The following DSCAM variants were observed in gnomAD, a reference collection of about 807,000 sequenced individuals.
DSCAM encodes the protein cell adhesion molecule DSCAM.
In DSCAM, 47 loss-of-function variants were observed where a neutral mutation model predicts 217.7. The ratio of observed to expected loss-of-function variants is 0.22; its 90% CI spans 0.17 to 0.28. The LOEUF (loss-of-function observed/expected upper bound fraction) is 0.28. Among genes scored for constraint, DSCAM ranks in the 10% least tolerant of loss-of-function variants. DSCAM has a pLI of 1.00. For synonymous variants in DSCAM, 1,056 were observed against 1,015.3 expected, an observed-to-expected ratio of 1.04 and a Z score of -0.76; for missense variants, 2,080 against 2,618.3, an observed-to-expected ratio of 0.79 and a Z score of 4.49.
chr21:40,378,585 T>C (rs2074988539), intron 3 of DSCAM, among the ~76,000 whole-genome samples: 5 of 17,926 alleles, frequency 2.8e-4, no homozygotes, highest in Non-Finnish European at 3.5e-4. Context: ...TTTTTTTTTT[T>C]TTTTTTTTTT....
rs376690205 is a variant in DSCAM, at chr21:40,115,328, G to A, written c.3696+8867C>T. Among the ~76,000 whole-genome samples the A allele has an allele frequency of 7.8e-4, 118 of 152,134 alleles. No individual in the cohort carries two copies. In the Middle Eastern group the frequency reaches 0.014, roughly 18 times the overall value. On this transcript the variant is annotated intron_variant, in intron 20 of 32. Transcript: ENST00000400454. ...CTATCGCAAGGAGAAAAAACCAAAC[G>A]CCGCAAGTTCTCACTCATAGGTGGG...
intron 3 of DSCAM, among the ~76,000 whole-genome samples, chr21:40,677,795 A>G (rs567461673): frequency 6.6e-6 from 1 of 152,194 alleles, no homozygotes; most frequent in East Asian, 1.9e-4. Context: ...GCCATGTGAG[A>G]AAATGAGAAG....
intron 29 of DSCAM, among the ~76,000 whole-genome samples, 181 bp from the exon 30 acceptor site, chr21:40,052,288 A>C (rs1205741934): frequency 6.6e-6 from 1 of 152,232 alleles, no homozygotes; most frequent in African/African-American, 2.4e-5. Flanking sequence ...CTAGAGTGCT[A>C]GGAATAGAAG....
intron 1 of DSCAM, among the ~76,000 whole-genome samples, chr21:40,840,275 A>G (rs552573945): frequency 6.6e-6 from 1 of 152,362 alleles, no homozygotes; most frequent in Non-Finnish European, 1.5e-5. Context: ...AGAAAACAGT[A>G]GTATGACTTT....
intron 3 of DSCAM, among the ~76,000 whole-genome samples, chr21:40,426,487 T>C (rs78005314): frequency 0.048 from 7,263 of 152,294 alleles, 396 homozygotes; most frequent in Admixed American, 0.17. Flanking sequence ...CTTTCAGAAA[T>C]AGGAAATTTG....
chr21:40,185,457 C>T (rs763440668), intron 14 of DSCAM, among the ~76,000 whole-genome samples: 7 of 152,186 alleles, frequency 4.6e-5, no homozygotes, highest in South Asian at 2.1e-4. Flanking sequence ...CACCAGCATC[C>T]GGCAATGCCC....
At chr21:40,232,377 G>T (rs1035921824) in intron 11 of DSCAM, among the ~76,000 whole-genome samples, 1 of 152,178 alleles carries the variant, frequency 6.6e-6, no homozygotes, top group Non-Finnish European at 1.5e-5. Flanking sequence ...GGAGCATGGG[G>T]TATGATAGAC....
chr21:40,037,212 G>C lies in DSCAM; in HGVS notation c.5686+5159C>G, dbSNP rs1400880792. 2.0e-5 allele frequency among the ~76,000 whole-genome samples: 3 copies of C among 149,356 alleles called. 1 individual carries two copies. The highest frequency in any genetic ancestry group is 7.7e-5 in the African/African-American group (3 of 39,122). On this transcript the variant is annotated intron_variant, in intron 32 of 32. Transcript: ENST00000400454. ...AATAAAGGGTATTCAAGTAGGAAAAGAGGAAGTCAAATTGTCCCTGTTTGC... is the reference window on the plus strand; with the variant it reads ...AATAAAGGGTATTCAAGTAGGAAAACAGGAAGTCAAATTGTCCCTGTTTGC...
At chr21:40,214,798 A>T (rs1415370281) in intron 11 of DSCAM, among the ~76,000 whole-genome samples, 1 of 151,906 alleles carries the variant, frequency 6.6e-6, no homozygotes, top group Admixed American at 6.5e-5. Flanking sequence ...CTATATAATG[A>T]TAAAATGACC....
At chr21:40,824,616 C>G (rs150625460) in intron 1 of DSCAM, among the ~76,000 whole-genome samples, 3 of 151,940 alleles carry the variant, frequency 2.0e-5, no homozygotes, top group African/African-American at 7.3e-5. Flanking sequence ...GGTCTCACCA[C>G]GTTTTCCAGG....
chr21:40,550,398 G>A (rs367636282), intron 3 of DSCAM, among the ~76,000 whole-genome samples: 51 of 152,194 alleles, frequency 3.4e-4, no homozygotes, highest in African/African-American at 1.0e-3. Flanking sequence ...GGTGGCACGC[G>A]CCTGTAATCC....
chr21:40,071,379 C>T lies in DSCAM; in HGVS notation c.4888+3658G>A, dbSNP rs369436563. Among the ~76,000 whole-genome samples, 31 of 152,266 alleles carry T rather than the reference C, an allele frequency of 2.0e-4. No individual in the cohort carries two copies. In the South Asian group the frequency reaches 6.2e-3, roughly 31 times the overall value. On this transcript the variant is annotated intron_variant, in intron 27 of 32. Coordinates refer to ENST00000400454, the MANE Select transcript of DSCAM (RefSeq NM_001389.5). ...CTCAGGAAGAGAGAATATAGGTTGACGACACTGCTAGAGTCCCATTTTCTT... is the reference window on the plus strand; with the variant it reads ...CTCAGGAAGAGAGAATATAGGTTGATGACACTGCTAGAGTCCCATTTTCTT...
chr21:40,257,512 T>C (rs1188431918), intron 11 of DSCAM, among the ~76,000 whole-genome samples: 2 of 99,006 alleles, frequency 2.0e-5, no homozygotes, highest in Non-Finnish European at 4.5e-5. Context: ...GCAAACGCAC[T>C]CCCTGGCACT....
intron 27 of DSCAM, among the ~76,000 whole-genome samples, chr21:40,074,467 A>G (rs1238992310): frequency 1.3e-5 from 2 of 152,198 alleles, no homozygotes; most frequent in Non-Finnish European, 2.9e-5. Flanking sequence ...GGGGCTGGAC[A>G]TTATAATCAT....
chr21:40,142,793 A>G (rs1166117770), intron 17 of DSCAM, 89 bp from the exon 18 acceptor site: 7 of 1,451,472 alleles, frequency 4.8e-6, no homozygotes, highest in East Asian at 2.3e-5. Context: ...TAATATTTCA[A>G]TATGCAAGCA....
intron 4 of DSCAM, 65 bp from the exon 5 acceptor site, chr21:40,353,808 A>G: frequency 7.3e-7 from 1 of 1,373,026 alleles, no homozygotes; most frequent in Non-Finnish European, 9.5e-7. Flanking sequence ...TTAGAATTGT[A>G]GGACTTCATG....
At position 40,113,667 on chromosome 21, in the gene DSCAM, C is replaced by T. The variant is rs1351896788; in HGVS notation, c.3696+10528G>A. The stretch of plus-strand genomic sequence containing the variant: ...TGATTGTATATCTAGAAAACCCCAT[C>T]GTCTCAGCCCAAAATCTCCTTAAGC... On this transcript the variant is annotated intron_variant, in intron 20 of 32. Transcript: ENST00000400454. 4.2e-3 allele frequency among the ~76,000 whole-genome samples: 633 copies of T among 150,746 alleles called. 4 individuals carry two copies. Among genetic ancestry groups the T allele is most frequent in the South Asian group, 4.6e-3 (22 of 4,746 alleles).
chr21:40,108,180 A>G (rs576118888), intron 20 of DSCAM, among the ~76,000 whole-genome samples: 1 of 152,318 alleles, frequency 6.6e-6, no homozygotes, highest in South Asian at 2.1e-4. Flanking sequence ...GGCAAGAGAA[A>G]GAAATAAAAG....
intron 20 of DSCAM, among the ~76,000 whole-genome samples, chr21:40,116,202 C>T (rs2089968532): frequency 6.6e-6 from 1 of 152,110 alleles, no homozygotes; most frequent in African/African-American, 2.4e-5. Context: ...TCAGGAAAAA[C>T]TACTAATGGG....
Sources: allele counts gnomAD v4.1 joint callset (sites outside exome capture counted in the v4.1 genomes callset), GRCh38; gene constraint gnomAD v4.1.1; transcripts MANE v1.5; gene names NCBI Gene and HGNC (gene_info 2026-07-23, HGNC 2026-07-21).